Variants in CORO2B observed in about 807,000 individuals in gnomAD.
CORO2B encodes coronin 2B.
Under a neutral mutation model 58.8 loss-of-function variants are expected in CORO2B, and 26 were observed. The observed-to-expected ratio is 0.44, with a 90% confidence interval of 0.32 to 0.61. CORO2B has a LOEUF of 0.61. Ranked by LOEUF, CORO2B falls within the 20% of genes least tolerant of loss-of-function variation. CORO2B has a pLI of 0.04. For missense variants in CORO2B, 460 were observed against 645.1 expected (o/e 0.71, Z 3.11); for synonymous variants, 242 against 253.8 (o/e 0.95, Z 0.44).
At position 68,579,184 on chromosome 15, in the gene CORO2B, C is replaced by A; in HGVS notation, c.-79C>A. The A allele has an allele frequency of 6.1e-6, 6 of 987,852 alleles. No individual in the cohort carries two copies. Among genetic ancestry groups the A allele is most frequent in the Non-Finnish European group, 7.2e-6 (6 of 834,036 alleles). 61.2% of individuals were successfully genotyped at this position (987,852 alleles called of 1,614,324 possible). A position where few individuals can be genotyped will look rare whatever the true frequency, so the allele number is the denominator to read the frequency against. ...GAGCGAGCCGGGAGCTGCCGGACCCCCTTCCGCCGCCGCCCCGGGCCGCCG... is the reference window on the plus strand; with the variant it reads ...GAGCGAGCCGGGAGCTGCCGGACCCACTTCCGCCGCCGCCCCGGGCCGCCG... On this transcript the variant is annotated 5_prime_UTR_variant, in exon 1 of 12. Transcript: ENST00000261861.
chr15:68,565,307 C>A, the CORO2B span, among the ~76,000 whole-genome samples: 1 of 117,522 alleles, frequency 8.5e-6, no homozygotes, highest in East Asian at 4.2e-4. Context: ...CCTTATTTTT[C>A]TTTTTATTTA....
the CORO2B span, among the ~76,000 whole-genome samples, chr15:68,542,511 T>A: frequency 1.3e-5 from 2 of 152,256 alleles, no homozygotes; most frequent in Non-Finnish European, 2.9e-5. Flanking sequence ...AGTACAAATT[T>A]CTGTGTTAGT....
chr15:68,619,539 A>G (rs72746597), intron 1 of CORO2B, among the ~76,000 whole-genome samples: 7,535 of 152,184 alleles, frequency 0.05, 201 homozygotes, highest in Middle Eastern at 0.065. Context: ...GGAGCTGGAA[A>G]TGTTCCAAAT....
At chr15:68,544,433 A>G in the CORO2B span, among the ~76,000 whole-genome samples, 2 of 152,152 alleles carry the variant, frequency 1.3e-5, no homozygotes, top group Non-Finnish European at 2.9e-5. Context: ...ATGCCCTCAA[A>G]CAGCCCTGCT....
At chr15:68,658,118 C>T (rs529849342) in intron 2 of CORO2B, among the ~76,000 whole-genome samples, 146 of 152,350 alleles carry the variant, frequency 9.6e-4, no homozygotes, top group African/African-American at 3.3e-3. Context: ...GCCTCAGTTT[C>T]CCCATCTGTA....
chr15:68,711,029 C>T, intron 4 of CORO2B, 148 bp downstream of exon 4: 2 of 962,086 alleles, frequency 2.1e-6, no homozygotes, highest in Admixed American at 3.2e-5. Context: ...TCATTCGCTA[C>T]ACGCAACTGA....
chr15:68,641,694 T>TG, intron 1 of CORO2B: 5 of 513,844 alleles, frequency 9.7e-6, no homozygotes, highest in South Asian at 8.4e-5. Flanking sequence ...CCCAAGCCCT[T>TG]GGAGGTGATG....
chr15:68,695,398 G>T lies in CORO2B; in HGVS notation c.333+142G>T. ...TCATCTTTCCAGCAAGCCCCACGAT[G>T]TGGGGGGGATGGGAGCTAGGAAAGA... On this transcript the variant is annotated intron_variant, in intron 3 of 11. Coordinates refer to ENST00000261861, the MANE Select transcript of CORO2B (RefSeq NM_006091.5). 2.4e-5 allele frequency: 16 copies of T among 663,060 alleles called. No homozygotes were observed. The South Asian group carries it at 2.8e-4, about 12-fold the overall frequency. 41.1% of individuals were successfully genotyped at this position (663,060 alleles called of 1,614,324 possible).
At chr15:68,639,355 A>G (rs1901134251) in intron 1 of CORO2B, among the ~76,000 whole-genome samples, 1 of 152,354 alleles carries the variant, frequency 6.6e-6, no homozygotes, top group South Asian at 2.1e-4. Context: ...AACTGGAGAA[A>G]GAAAACATGC....
the CORO2B span, among the ~76,000 whole-genome samples, chr15:68,569,711 C>T: frequency 8.5e-3 from 1,302 of 152,290 alleles, 25 homozygotes; most frequent in African/African-American, 0.03. Flanking sequence ...TAAGAAATTG[C>T]CACAGGGTCT....
intron 2 of CORO2B, among the ~76,000 whole-genome samples, chr15:68,651,644 G>A (rs1009398158): frequency 3.0e-4 from 45 of 152,142 alleles, no homozygotes; most frequent in African/African-American, 1.1e-3. Flanking sequence ...TGAGCAAACA[G>A]CAGGCCGCAG....
At chr15:68,720,022 G>A (rs1419365344) in intron 11 of CORO2B, among the ~76,000 whole-genome samples, 2 of 152,166 alleles carry the variant, frequency 1.3e-5, no homozygotes, top group South Asian at 4.1e-4. Context: ...CTCTTTTGGG[G>A]CAGCTCGGCT....
intron 3 of CORO2B, among the ~76,000 whole-genome samples, chr15:68,703,329 T>G (rs1021625163): frequency 6.6e-6 from 1 of 151,170 alleles, no homozygotes; most frequent in East Asian, 1.9e-4. Context: ...TTTTGTATTT[T>G]TAGTAAAGAC....
intron 1 of CORO2B, among the ~76,000 whole-genome samples, chr15:68,642,011 G>A: frequency 6.8e-6 from 1 of 148,096 alleles, no homozygotes; most frequent in Non-Finnish European, 1.5e-5. Flanking sequence ...TTACAAGAGT[G>A]ACTCACCTAA....
intron 2 of CORO2B, among the ~76,000 whole-genome samples, chr15:68,665,656 A>G (rs962640078): frequency 1.3e-5 from 2 of 151,966 alleles, no homozygotes; most frequent in African/African-American, 2.4e-5. Flanking sequence ...GCTTCTTCAC[A>G]TAGCTCTTAT....
At position 68,673,921 on chromosome 15, in the gene CORO2B, C is replaced by T. The variant is rs1425699732; in HGVS notation, c.217-21219C>T. 2.0e-5 allele frequency among the ~76,000 whole-genome samples: 3 copies of T among 151,928 alleles called. No homozygotes were observed. The East Asian group carries it at 5.8e-4, about 29-fold the overall frequency. On this transcript the variant is annotated intron_variant, in intron 2 of 11. Transcript: ENST00000261861. ...ACTAACTAGGAAAGGGACTCCAGCT[C>T]CCAAGAGCTGACAAATAAAAGAAGG...
At chr15:68,671,115 G>T (rs970933842) in intron 2 of CORO2B, among the ~76,000 whole-genome samples, 2 of 152,140 alleles carry the variant, frequency 1.3e-5, no homozygotes, top group African/African-American at 2.4e-5. Context: ...CAACGCAGCC[G>T]TGAAAATCAT....
the CORO2B span, among the ~76,000 whole-genome samples, chr15:68,563,634 C>G: frequency 6.6e-6 from 1 of 151,964 alleles, no homozygotes; most frequent in African/African-American, 2.4e-5. Flanking sequence ...AAGTGACACA[C>G]CTTTAGCTAG....
intron 2 of CORO2B, among the ~76,000 whole-genome samples, chr15:68,677,401 C>T (rs1012366640): frequency 6.6e-6 from 1 of 152,204 alleles, no homozygotes; most frequent in African/African-American, 2.4e-5. Context: ...CTGAAGGCCA[C>T]ACAGCAGAGG....
Sources: allele counts gnomAD v4.1 joint callset (sites outside exome capture counted in the v4.1 genomes callset), GRCh38; gene constraint gnomAD v4.1.1; transcripts MANE v1.5; gene names NCBI Gene and HGNC (gene_info 2026-07-23, HGNC 2026-07-21).